The following RBFOX1 variants were observed in gnomAD, a reference collection of about 807,000 sequenced individuals.
RBFOX1 encodes RNA binding protein fox-1 homolog 1.
In RBFOX1, 8 loss-of-function variants were observed where a neutral mutation model predicts 57.7. The ratio of observed to expected loss-of-function variants is 0.14; its 90% CI spans 0.08 to 0.25. RBFOX1 has a LOEUF of 0.25. Among genes scored for constraint, RBFOX1 ranks in the 10% least tolerant of loss-of-function variants. RBFOX1 has a pLI of 1.00. For missense variants in RBFOX1, 611 were observed against 548.5 expected, an observed-to-expected ratio of 1.11 and a Z score of -1.14; for synonymous variants, 326 against 222.4, an observed-to-expected ratio of 1.47 and a Z score of -4.15.
At chr16:6,251,279 G>A (rs143541921) in intron 1 of RBFOX1, among the ~76,000 whole-genome samples, 360 of 152,226 alleles carry the variant, frequency 2.4e-3, no homozygotes, top group Non-Finnish European at 4.1e-3. Flanking sequence ...CATGGACTAG[G>A]ATCTGCACAG....
intron 3 of RBFOX1, among the ~76,000 whole-genome samples, chr16:5,690,546 G>T (rs962149190): frequency 6.8e-6 from 1 of 147,192 alleles, no homozygotes; most frequent in East Asian, 1.9e-4. Context: ...ACTCACTTCT[G>T]TTGTGGCCAG....
chr16:7,405,929 G>C (rs1288096744), intron 4 of RBFOX1, among the ~76,000 whole-genome samples: 1 of 152,146 alleles, frequency 6.6e-6, no homozygotes, highest in African/African-American at 2.4e-5. Context: ...GACATTTTTA[G>C]TTGTCACGAC....
chr16:6,613,009 G>A (rs1160764728), intron 2 of RBFOX1, among the ~76,000 whole-genome samples: 1 of 2,716 alleles, frequency 3.7e-4, no homozygotes, highest in Admixed American at 5.7e-3. Context: ...CAGCATGTGT[G>A]TGTGTGTGTG....
chr16:7,245,705 A>G (rs2094266838), intron 4 of RBFOX1, among the ~76,000 whole-genome samples: 1 of 152,220 alleles, frequency 6.6e-6, no homozygotes, highest in South Asian at 2.1e-4. Context: ...TTGCCTGCTC[A>G]CTTAAGGATA....
chr16:7,439,758 C>G (rs2098751262), intron 4 of RBFOX1, among the ~76,000 whole-genome samples: 1 of 152,050 alleles, frequency 6.6e-6, no homozygotes, highest in Non-Finnish European at 1.5e-5. Flanking sequence ...ATATTCTTTC[C>G]TGAGCATCTA....
chr16:6,453,842 T>C (rs2094695541), intron 2 of RBFOX1, among the ~76,000 whole-genome samples: 1 of 152,222 alleles, frequency 6.6e-6, no homozygotes, highest in Non-Finnish European at 1.5e-5. Flanking sequence ...GGCCAGAGGC[T>C]ACCATACTGG....
intron 4 of RBFOX1, among the ~76,000 whole-genome samples, chr16:5,988,223 G>A (rs2060319877): frequency 6.6e-6 from 1 of 152,166 alleles, no homozygotes; most frequent in Non-Finnish European, 1.5e-5. Context: ...ACTCAGGGAA[G>A]TCTTTTCCCC....
At chr16:6,177,396 T>C (rs920555873) in intron 1 of RBFOX1, among the ~76,000 whole-genome samples, 1 of 150,286 alleles carries the variant, frequency 6.7e-6, no homozygotes. Context: ...CTAGCTTTCA[T>C]TGATTTTTTT....
chr16:7,401,909 A>G (rs1043091421), intron 4 of RBFOX1, among the ~76,000 whole-genome samples: 1 of 152,220 alleles, frequency 6.6e-6, no homozygotes, highest in Non-Finnish European at 1.5e-5. Flanking sequence ...ACCCAGGCTC[A>G]TGTCATCTCT....
At chr16:7,156,008 C>A (rs1028660324) in intron 4 of RBFOX1, among the ~76,000 whole-genome samples, 1 of 151,708 alleles carries the variant, frequency 6.6e-6, no homozygotes, top group Non-Finnish European at 1.5e-5. Flanking sequence ...TATATCTACA[C>A]ACACACTCAC....
At chr16:5,929,565 T>A (rs953505105) in intron 4 of RBFOX1, among the ~76,000 whole-genome samples, 1 of 152,226 alleles carries the variant, frequency 6.6e-6, no homozygotes, top group African/African-American at 2.4e-5. Flanking sequence ...AAAGGTTCCA[T>A]GTTCCATATG....
chr16:5,982,077 T>G (rs2060185603), intron 4 of RBFOX1, among the ~76,000 whole-genome samples: 1 of 152,144 alleles, frequency 6.6e-6, no homozygotes, highest in South Asian at 2.1e-4. Context: ...ATCCAGCAGT[T>G]GCCATCTCAT....
chr16:7,292,344 A>T (rs1242097862), intron 4 of RBFOX1, among the ~76,000 whole-genome samples: 2 of 138,038 alleles, frequency 1.4e-5, no homozygotes, highest in Non-Finnish European at 3.0e-5. Context: ...CATGATATAT[A>T]TAATATATAA....
chr16:5,888,406 T>C (rs185602493), intron 4 of RBFOX1, among the ~76,000 whole-genome samples: 1 of 152,294 alleles, frequency 6.6e-6, no homozygotes, highest in East Asian at 1.9e-4. Context: ...TTAAAAGTGT[T>C]TTATTCTATG....
intron 4 of RBFOX1, among the ~76,000 whole-genome samples, chr16:7,249,889 T>G (rs971229712): frequency 1.2e-4 from 18 of 152,208 alleles, no homozygotes; most frequent in Admixed American, 6.5e-4. Flanking sequence ...TGTTAAATGA[T>G]CTCTTCAGAA....
intron 1 of RBFOX1, among the ~76,000 whole-genome samples, chr16:5,443,811 A>T (rs1373941280): frequency 6.6e-6 from 1 of 152,232 alleles, no homozygotes; most frequent in South Asian, 2.1e-4. Flanking sequence ...GAACAGGACT[A>T]TCGCTACTTA....
intron 2 of RBFOX1, among the ~76,000 whole-genome samples, chr16:6,622,192 C>A (rs17140793): frequency 1.7e-3 from 266 of 152,276 alleles, no homozygotes; most frequent in African/African-American, 6.2e-3. Flanking sequence ...TTGCTACATT[C>A]TTGGCAGGTT....
At chr16:5,875,342 G>A (rs181230273) in intron 4 of RBFOX1, among the ~76,000 whole-genome samples, 7 of 152,268 alleles carry the variant, frequency 4.6e-5, no homozygotes, top group Non-Finnish European at 8.8e-5. Flanking sequence ...TGCAACACCT[G>A]GGCTGTCTCC....
At chr16:6,395,953 C>G (rs896736781) in intron 2 of RBFOX1, among the ~76,000 whole-genome samples, 1 of 149,866 alleles carries the variant, frequency 6.7e-6, no homozygotes, top group African/African-American at 2.5e-5. Flanking sequence ...GTAGTCCCAG[C>G]TACTTGGGAG....
Sources: gnomAD v4.1 joint callset for allele counts (sites outside exome capture counted in the v4.1 genomes callset) on GRCh38, gnomAD v4.1.1 for gene constraint, MANE v1.5 for transcripts, NCBI Gene and HGNC (gene_info 2026-07-23, HGNC 2026-07-21) for gene names.